Variants in MTCL3 observed in about 807,000 individuals in gnomAD.
MTCL3 encodes microtubule cross-linking factor 3.
chr6:127,515,816 C>T, the MTCL3 span: 2 of 1,608,952 alleles, frequency 1.2e-6, no homozygotes, highest in Non-Finnish European at 1.7e-6. This position sits in a 1 kb window ranked among gnomAD's most constrained non-coding sequence, Gnocchi z 4.3. Flanking sequence ...GCCGCCCGCT[C>T]CTTCTTGAGA....
the MTCL3 span, among the ~76,000 whole-genome samples, chr6:127,505,716 A>T: frequency 1.4e-4 from 21 of 152,302 alleles, no homozygotes; most frequent in Non-Finnish European, 2.5e-4. Flanking sequence ...CCATTTTTTT[A>T]AATTAAAAAA....
the MTCL3 span, among the ~76,000 whole-genome samples, chr6:127,509,012 A>C: frequency 6.6e-6 from 1 of 152,198 alleles, no homozygotes; most frequent in East Asian, 1.9e-4. Flanking sequence ...CATAACTTTA[A>C]TTAAAAACCT....
At chr6:127,515,747 T>C in the MTCL3 span, 2 of 1,598,718 alleles carry the variant, frequency 1.3e-6, no homozygotes, top group South Asian at 1.1e-5. This position sits in a 1 kb window ranked among gnomAD's most constrained non-coding sequence, Gnocchi z 4.3. Flanking sequence ...ACCGGGGAGC[T>C]GCGGCTACTG....
At chr6:127,515,462 C>T in the MTCL3 span, 1 of 1,391,010 alleles carries the variant, frequency 7.2e-7, no homozygotes, top group Non-Finnish European at 9.3e-7. This position sits in a 1 kb window ranked among gnomAD's most constrained non-coding sequence, Gnocchi z 4.3. Flanking sequence ...CGCCCTAATC[C>T]TCCCAGGCCC....
chr6:127,473,211 T>G, the MTCL3 span: 1 of 1,386,606 alleles, frequency 7.2e-7, no homozygotes, highest in South Asian at 1.8e-5. Flanking sequence ...CTTCTTTTAC[T>G]TCTTGTCTTG....
At chr6:127,510,355 G>A in the MTCL3 span, among the ~76,000 whole-genome samples, 2 of 152,312 alleles carry the variant, frequency 1.3e-5, no homozygotes, top group African/African-American at 4.8e-5. Flanking sequence ...AATAGTCACA[G>A]GGAAGAGTGT....
chr6:127,476,028 C>T, the MTCL3 span: 25 of 1,611,708 alleles, frequency 1.6e-5, no homozygotes, highest in South Asian at 2.5e-4. This position sits in a 1 kb window ranked among gnomAD's most constrained non-coding sequence, Gnocchi z 4.4. Flanking sequence ...TCTGCTCCTC[C>T]AGGTCGGCCA....
At chr6:127,514,183 G>A in the MTCL3 span, among the ~76,000 whole-genome samples, 2 of 152,114 alleles carry the variant, frequency 1.3e-5, no homozygotes, top group African/African-American at 2.4e-5. Context: ...TCCACTGGAA[G>A]AAATTCTGAA....
chr6:127,516,172 C>G, the MTCL3 span: 2 of 1,435,112 alleles, frequency 1.4e-6, no homozygotes, highest in Middle Eastern at 1.9e-4. Context: ...CTCTAGCTCC[C>G]GAGGCGGCTC....
At chr6:127,494,007 G>A in the MTCL3 span, among the ~76,000 whole-genome samples, 1 of 152,106 alleles carries the variant, frequency 6.6e-6, no homozygotes, top group East Asian at 1.9e-4. Context: ...CAATAAAAGA[G>A]GAAACTTTTA....
At chr6:127,503,960 C>T in the MTCL3 span, among the ~76,000 whole-genome samples, 1 of 152,208 alleles carries the variant, frequency 6.6e-6, no homozygotes, top group Admixed American at 6.5e-5. Context: ...CAACTTTGTG[C>T]CCTGTTCTGT....
At chr6:127,476,931 T>C in the MTCL3 span, among the ~76,000 whole-genome samples, 260 of 152,334 alleles carry the variant, frequency 1.7e-3, no homozygotes, top group Admixed American at 4.2e-3. This position sits in a 1 kb window ranked among gnomAD's most constrained non-coding sequence, Gnocchi z 4.4. Flanking sequence ...ATATTCAGAG[T>C]AAACTTAGGA....
At chr6:127,504,153 A>G in the MTCL3 span, among the ~76,000 whole-genome samples, 1 of 152,182 alleles carries the variant, frequency 6.6e-6, no homozygotes, top group East Asian at 1.9e-4. Context: ...CATTGCCTAT[A>G]TGCTGGGTAC....
At chr6:127,494,715 G>C in the MTCL3 span, among the ~76,000 whole-genome samples, 928 of 152,254 alleles carry the variant, frequency 6.1e-3, 9 homozygotes, top group Non-Finnish European at 7.0e-3. Flanking sequence ...TGGGTTATTA[G>C]AGGGTCTGTC....
chr6:127,510,387 G>A, the MTCL3 span, among the ~76,000 whole-genome samples: 9 of 152,208 alleles, frequency 5.9e-5, no homozygotes, highest in East Asian at 3.9e-4. Context: ...TCAAGGAAAC[G>A]CATCTTTACA....
chr6:127,493,916 G>A, the MTCL3 span, among the ~76,000 whole-genome samples: 1 of 152,222 alleles, frequency 6.6e-6, no homozygotes, highest in South Asian at 2.1e-4. Flanking sequence ...AGCTCAGATT[G>A]ACGACAGAGT....
the MTCL3 span, among the ~76,000 whole-genome samples, chr6:127,501,726 G>A: frequency 6.6e-6 from 1 of 152,088 alleles, no homozygotes; most frequent in African/African-American, 2.4e-5. Flanking sequence ...AAATATATAA[G>A]TATAAAATGG....
At chr6:127,481,513 A>C in the MTCL3 span, 1 of 973,054 alleles carries the variant, frequency 1.0e-6, no homozygotes, top group Non-Finnish European at 1.2e-6. Context: ...GCAGGTACAG[A>C]GAGGAAAAAG....
At chr6:127,485,492 T>C in the MTCL3 span, among the ~76,000 whole-genome samples, 2 of 152,150 alleles carry the variant, frequency 1.3e-5, no homozygotes, top group African/African-American at 2.4e-5. Flanking sequence ...AATGCTCCTA[T>C]TGAGCAAGAA....
Sources: gnomAD v4.1 joint callset for allele counts (sites outside exome capture counted in the v4.1 genomes callset) on GRCh38, gnomAD v4.1.1 for gene constraint, Gnocchi (gnomAD v3.1) non-coding constraint, MANE v1.5 for transcripts, NCBI Gene and HGNC (gene_info 2026-07-23, HGNC 2026-07-21) for gene names.